PCSK2: variants seen among roughly 807,000 people sequenced by gnomAD.
The protein encoded by PCSK2 is neuroendocrine convertase 2.
A neutral mutation model predicts 69.7 loss-of-function variants in PCSK2; 14 were observed. The observed-to-expected ratio is 0.20, with a 90% CI of 0.13 to 0.31. The LOEUF (loss-of-function observed/expected upper bound fraction) is 0.31, where lower values mean the gene tolerates loss of function less well. Ranked by LOEUF, PCSK2 falls within the 10% of genes least tolerant of loss-of-function variation. PCSK2 has a pLI of 1.00. For synonymous variants in PCSK2, 307 were observed against 320.7 expected (o/e 0.96, Z 0.46); for missense variants, 544 against 842.5 (o/e 0.65, Z 4.39).
At chr20:17,321,800 G>A (rs369686952) in intron 2 of PCSK2, among the ~76,000 whole-genome samples, 1 of 152,170 alleles carries the variant, frequency 6.6e-6, no homozygotes, top group Non-Finnish European at 1.5e-5. Context: ...ATTAAAAAGA[G>A]TTGAAAATAA....
intron 6 of PCSK2, among the ~76,000 whole-genome samples, chr20:17,411,331 C>T (rs1033526426): frequency 1.4e-4 from 22 of 152,234 alleles, no homozygotes; most frequent in African/African-American, 4.3e-4. Flanking sequence ...TGCCCAAATA[C>T]TGTGCTTTTC....
chr20:17,379,349 G>A (rs890561423), intron 5 of PCSK2, among the ~76,000 whole-genome samples: 14 of 152,392 alleles, frequency 9.2e-5, no homozygotes, highest in Non-Finnish European at 7.3e-5. Context: ...ATGTGGATCT[G>A]ATGGAGACCA....
At chr20:17,383,658 AAAAG>A (rs2031151220) in intron 5 of PCSK2, among the ~76,000 whole-genome samples, 2 of 152,222 alleles carry the variant, frequency 1.3e-5, no homozygotes, top group East Asian at 1.9e-4. Context: ...AAAAAAAAGA[AAAAG>A]AAAGAGGAAA....
chr20:17,470,069 G>A (rs962358745), intron 11 of PCSK2, among the ~76,000 whole-genome samples: 1 of 152,094 alleles, frequency 6.6e-6, no homozygotes, highest in Non-Finnish European at 1.5e-5. Context: ...GTCCAAATGG[G>A]GGATTTAAGG....
intron 2 of PCSK2, among the ~76,000 whole-genome samples, chr20:17,275,942 T>G (rs959208859): frequency 3.3e-5 from 5 of 152,096 alleles, no homozygotes; most frequent in Non-Finnish European, 4.4e-5. Flanking sequence ...CACAACCACA[T>G]CTATACAATG....
chr20:17,319,332 T>A (rs1325990674), intron 2 of PCSK2, among the ~76,000 whole-genome samples: 1 of 152,224 alleles, frequency 6.6e-6, no homozygotes, highest in African/African-American at 2.4e-5. Context: ...AGGCGGATCT[T>A]CTGCTTGTCT....
chr20:17,333,936 TGGCTTCAA>T (rs1990276811), intron 2 of PCSK2, among the ~76,000 whole-genome samples: 39 of 136,664 alleles, frequency 2.9e-4, no homozygotes, highest in East Asian at 1.5e-3. Flanking sequence ...TATATATATA[TGGCTTCAA>T]ATCTAGATAG....
intron 2 of PCSK2, among the ~76,000 whole-genome samples, chr20:17,317,690 A>C (rs12480782): frequency 0.13 from 19,654 of 152,236 alleles, 1,973 homozygotes; most frequent in East Asian, 0.55. Context: ...ATTGCCAGAC[A>C]GTTTTTGAAA....
chr20:17,350,506 C>T (rs2029947192), intron 2 of PCSK2, among the ~76,000 whole-genome samples: 1 of 151,976 alleles, frequency 6.6e-6, no homozygotes, highest in Non-Finnish European at 1.5e-5. Flanking sequence ...GTTTAATTAT[C>T]AGCCCAGCAG....
intron 2 of PCSK2, among the ~76,000 whole-genome samples, chr20:17,276,026 A>G (rs777478686): frequency 6.4e-4 from 98 of 152,168 alleles, no homozygotes; most frequent in Non-Finnish European, 1.5e-4. Flanking sequence ...GTAAACGTTC[A>G]AAAGATGACA....
intron 1 of PCSK2, among the ~76,000 whole-genome samples, chr20:17,234,657 A>C (rs1986265950): frequency 6.6e-6 from 1 of 152,158 alleles, no homozygotes; most frequent in Non-Finnish European, 1.5e-5. Context: ...AAAGAGGGGA[A>C]ATACACCTTT....
chr20:17,294,869 A>AAAC (rs1364916830), intron 2 of PCSK2, among the ~76,000 whole-genome samples: 1 of 152,112 alleles, frequency 6.6e-6, no homozygotes, highest in African/African-American at 2.4e-5. Context: ...TCTTCTTCTC[A>AAAC]AACTCTTATT....
chr20:17,248,863 G>T (rs1013356079), intron 1 of PCSK2, among the ~76,000 whole-genome samples: 13 of 152,134 alleles, frequency 8.5e-5, no homozygotes, highest in Non-Finnish European at 1.6e-4. Flanking sequence ...TTACAAAGGG[G>T]CTGGGACGTA....
chr20:17,229,520 G>T (rs1191524689), intron 1 of PCSK2, among the ~76,000 whole-genome samples: 1 of 151,308 alleles, frequency 6.6e-6, no homozygotes, highest in Non-Finnish European at 1.5e-5. Flanking sequence ...CTTTGAAAAT[G>T]TGCCCTTAGG....
chr20:17,389,202 C>T (rs1157885900), intron 5 of PCSK2, among the ~76,000 whole-genome samples: 1 of 151,318 alleles, frequency 6.6e-6, no homozygotes, highest in Non-Finnish European at 1.5e-5. Context: ...ATAAGACAAT[C>T]ATAAAAATAG....
chr20:17,301,653 C>T (rs912941180), intron 2 of PCSK2, among the ~76,000 whole-genome samples: 1 of 152,070 alleles, frequency 6.6e-6, no homozygotes, highest in Admixed American at 6.5e-5. Flanking sequence ...TATATTATGA[C>T]CAGGCACGGT....
intron 2 of PCSK2, among the ~76,000 whole-genome samples, chr20:17,283,025 C>T (rs1988378060): frequency 6.6e-6 from 1 of 152,106 alleles, no homozygotes; most frequent in Non-Finnish European, 1.5e-5. Flanking sequence ...GGCTTAGACT[C>T]CATTATCCCA....
chr20:17,287,753 C>A (rs926866122), intron 2 of PCSK2, among the ~76,000 whole-genome samples: 1 of 152,184 alleles, frequency 6.6e-6, no homozygotes, highest in African/African-American at 2.4e-5. Context: ...AAGATTATAA[C>A]CCTGGCCAGC....
rs533600093 is a variant in PCSK2 at position 17,282,269 on chromosome 20, G to GTA, written c.282+21933_282+21934dup. Among the ~76,000 whole-genome samples, 480 of 152,032 alleles carry GTA rather than the reference G, an allele frequency of 3.2e-3. 4 individuals are homozygous for GTA. The highest frequency in any genetic ancestry group is 0.011 in the African/African-American group (458 of 41,452). ...CACATAAACACACACACACACATAT[G>GTA]TATATATATGTATATTCTGCATATC... On this transcript the variant is annotated intron_variant, in intron 2 of 11. Coordinates refer to ENST00000262545, the MANE Select transcript of PCSK2 (RefSeq NM_002594.5).
Sources: allele counts gnomAD v4.1 joint callset (sites outside exome capture counted in the v4.1 genomes callset), GRCh38; gene constraint gnomAD v4.1.1; transcripts MANE v1.5; gene names NCBI Gene and HGNC (gene_info 2026-07-23, HGNC 2026-07-21).